The following CADM2 variants were observed in gnomAD, a reference collection of about 807,000 sequenced individuals.
CADM2 encodes the protein immunoglobulin superfamily member 4D.
In CADM2, 12 loss-of-function variants were observed where a neutral mutation model predicts 49.8. The observed-to-expected ratio is 0.24, with a 90% CI of 0.15 to 0.39. CADM2 has a LOEUF of 0.39. CADM2 is among the 10% of genes least tolerant of loss of function. CADM2 has a pLI of 1.00. For synonymous variants in CADM2, 214 were observed against 175.4 expected, an observed-to-expected ratio of 1.22 and a Z score of -1.74; for missense variants, 378 against 492.3, an observed-to-expected ratio of 0.77 and a Z score of 2.20.
chr3:85,464,943 A>T (rs1352363993), intron 1 of CADM2, among the ~76,000 whole-genome samples: 1 of 152,086 alleles, frequency 6.6e-6, no homozygotes, highest in East Asian at 1.9e-4. Context: ...AGGTCAGCAG[A>T]TCAAGACCAT....
At chr3:85,983,854 T>G (rs1727764512) in intron 8 of CADM2, among the ~76,000 whole-genome samples, 1 of 151,562 alleles carries the variant, frequency 6.6e-6, no homozygotes, top group Non-Finnish European at 1.5e-5. Flanking sequence ...CTGTCTGTCC[T>G]TTGAAGTATA....
At chr3:85,597,522 A>G (rs1254361614) in intron 1 of CADM2, among the ~76,000 whole-genome samples, 1 of 152,100 alleles carries the variant, frequency 6.6e-6, no homozygotes, top group Non-Finnish European at 1.5e-5. Flanking sequence ...CAGAGATTGT[A>G]TGATAGTGGA....
At chr3:85,898,158 A>G (rs1019159481) in intron 5 of CADM2, among the ~76,000 whole-genome samples, 8 of 152,232 alleles carry the variant, frequency 5.3e-5, no homozygotes, top group Non-Finnish European at 8.8e-5. Flanking sequence ...TAGGAGATAC[A>G]TAAGTCACTC....
rs184944757 is a variant in CADM2 at position 85,836,682 on chromosome 3, C to A, written c.238+34486C>A. Among the ~76,000 whole-genome samples, 15 of 151,660 alleles carry A rather than the reference C, an allele frequency of 9.9e-5. No individual in the cohort carries two copies. The East Asian group carries it at 2.7e-3, about 28-fold the overall frequency. ...GAATTGGGGTAATTTATGTTGTGCA[C>A]TGAAGAAGATATCCAGGGAAACTTC... is the stretch of plus-strand genomic sequence containing the variant. On this transcript the variant is annotated intron_variant, in intron 3 of 9. Transcript: ENST00000383699.
At chr3:85,869,521 T>A (rs2075840462) in intron 3 of CADM2, among the ~76,000 whole-genome samples, 1 of 152,036 alleles carries the variant, frequency 6.6e-6, no homozygotes, top group Non-Finnish European at 1.5e-5. Context: ...GTCCCATAGA[T>A]CTCATATGGG....
chr3:85,838,930 C>G (rs1035822693), intron 3 of CADM2, among the ~76,000 whole-genome samples: 1 of 151,774 alleles, frequency 6.6e-6, no homozygotes, highest in Non-Finnish European at 1.5e-5. Flanking sequence ...TGCAAATTCA[C>G]TTAGGGGTGC....
chr3:85,027,890 A>G (rs1225160009), intron 1 of CADM2, among the ~76,000 whole-genome samples: 1 of 152,176 alleles, frequency 6.6e-6, no homozygotes, highest in Non-Finnish European at 1.5e-5. Context: ...CTTAACTTGA[A>G]CATAGATCTC....
chr3:85,950,658 T>G (rs955976192), intron 7 of CADM2, among the ~76,000 whole-genome samples: 3 of 151,120 alleles, frequency 2.0e-5, no homozygotes, highest in Non-Finnish European at 4.4e-5. Flanking sequence ...CTTCTAAGCT[T>G]GGAGGCAAGA....
intron 1 of CADM2, among the ~76,000 whole-genome samples, chr3:85,468,793 A>G (rs1328386041): frequency 6.6e-6 from 1 of 152,146 alleles, no homozygotes; most frequent in Middle Eastern, 3.2e-3. Flanking sequence ...AATTCTGGTA[A>G]GGGATAAAAG....
chr3:86,010,982 A>G (rs1043518248), intron 8 of CADM2, among the ~76,000 whole-genome samples: 2 of 151,954 alleles, frequency 1.3e-5, no homozygotes, highest in African/African-American at 4.8e-5. Context: ...TTATTAGAAA[A>G]CAGAAAAATT....
chr3:85,467,023 T>C (rs1457731883), intron 1 of CADM2, among the ~76,000 whole-genome samples: 1 of 152,176 alleles, frequency 6.6e-6, no homozygotes, highest in Non-Finnish European at 1.5e-5. Context: ...GAAAACAGTG[T>C]CACAGTACAC....
chr3:85,276,886 A>G (rs1197929008), intron 1 of CADM2, among the ~76,000 whole-genome samples: 1 of 151,362 alleles, frequency 6.6e-6, no homozygotes, highest in Non-Finnish European at 1.5e-5. Context: ...TGGAAAGGCA[A>G]GTTAAGGAAA....
At chr3:84,970,604 G>A (rs1248856) in intron 1 of CADM2, among the ~76,000 whole-genome samples, 7,136 of 151,942 alleles carry the variant, frequency 0.047, 213 homozygotes, top group African/African-American at 0.074. Flanking sequence ...AATGCCAGGT[G>A]CGGAAATCAC....
At chr3:85,781,286 A>G (rs1228019504) in intron 2 of CADM2, among the ~76,000 whole-genome samples, 1 of 152,080 alleles carries the variant, frequency 6.6e-6, no homozygotes. Context: ...CTATTTTTAA[A>G]CTTGAAATTG....
chr3:85,935,543 T>C (rs1466658336), intron 6 of CADM2, among the ~76,000 whole-genome samples: 1 of 152,054 alleles, frequency 6.6e-6, no homozygotes, highest in Non-Finnish European at 1.5e-5. Context: ...AATACAACAG[T>C]GGTGCTCAGG....
intron 1 of CADM2, among the ~76,000 whole-genome samples, chr3:85,459,131 A>G (rs762019518): frequency 3.9e-5 from 6 of 152,170 alleles, no homozygotes; most frequent in Admixed American, 1.3e-4. Context: ...ATACCCAAGT[A>G]AAAGTCACTT....
chr3:85,134,130 C>G (rs1469367914), intron 1 of CADM2, among the ~76,000 whole-genome samples: 1 of 152,216 alleles, frequency 6.6e-6, no homozygotes, highest in African/African-American at 2.4e-5. Flanking sequence ...TGCCTGGGGC[C>G]CGCAGGGCCG....
intron 1 of CADM2, among the ~76,000 whole-genome samples, chr3:85,124,845 G>T (rs1336461406): frequency 3.3e-5 from 5 of 152,154 alleles, no homozygotes; most frequent in Admixed American, 3.3e-4. Flanking sequence ...CTGTACCAAA[G>T]TTGAAAAAGA....
At chr3:85,516,543 G>T (rs1435600115) in intron 1 of CADM2, among the ~76,000 whole-genome samples, 1 of 152,028 alleles carries the variant, frequency 6.6e-6, no homozygotes, top group East Asian at 1.9e-4. Flanking sequence ...AATTACCAGA[G>T]ATTTTAGTAA....
Sources: gnomAD v4.1 joint callset for allele counts (sites outside exome capture counted in the v4.1 genomes callset) on GRCh38, gnomAD v4.1.1 for gene constraint, MANE v1.5 for transcripts, NCBI Gene and HGNC (gene_info 2026-07-23, HGNC 2026-07-21) for gene names.